The following PPIP5K2 variants were observed in gnomAD, a reference collection of about 807,000 sequenced individuals.
The protein encoded by PPIP5K2 is diphosphoinositol pentakisphosphate kinase 2, also known as inositol hexakisphosphate and diphosphoinositol-pentakisphosphate kinase 2.
A neutral mutation model predicts 154.6 loss-of-function variants in PPIP5K2; 105 were observed. That is an observed-to-expected ratio of 0.68 (90% CI 0.58 to 0.80). The LOEUF (loss-of-function observed/expected upper bound fraction) is 0.80. Among genes scored for constraint, PPIP5K2 ranks in the 30% least tolerant of loss-of-function variants. The pLI is 0.00. For missense variants in PPIP5K2, 992 were observed against 1,504.6 expected (o/e 0.66, Z 5.64); for synonymous variants, 480 against 490.3 (o/e 0.98, Z 0.28).
chr5:103,152,733 A>T lies in PPIP5K2; in HGVS notation c.1114A>T (p.Thr372Ser). ...AGCTGAAGATATCCCAATTGTACCA[A>T]CTACATCTGGAACTATGTAAGTCTG... ...LEAEDIPIVP[T>S]TSGTMMELRC... The change falls in exon 10 of 31, where the codon ACT becomes TCT. Residue 372 changes from threonine (T) to serine (S), a missense_variant. Physicochemically the swap from Thr to Ser is moderately conservative, Grantham distance 58 (BLOSUM62 1). This residue lies in a region of PPIP5K2 where 163 missense variants were observed against 285.2 expected (regional missense o/e 0.57). Coordinates refer to ENST00000358359, the MANE Select transcript of PPIP5K2 (RefSeq NM_001276277.3). 6.4e-7 allele frequency: 1 copy of T among 1,565,058 alleles called. No individual in the cohort carries two copies. Among genetic ancestry groups the T allele is most frequent in the East Asian group, 2.3e-5 (1 of 44,422 alleles).
intron 17 of PPIP5K2, among the ~76,000 whole-genome samples, chr5:103,162,095 C>T (rs1310279705): frequency 1.3e-5 from 2 of 152,148 alleles, no homozygotes; most frequent in Non-Finnish European, 2.9e-5. Flanking sequence ...TTGGGATTCT[C>T]AGATGATTCC....
chr5:103,187,217 T>A, intron 27 of PPIP5K2, 97 bp from the exon 28 acceptor site: 1 of 909,894 alleles, frequency 1.1e-6, no homozygotes, highest in Non-Finnish European at 1.7e-6. Flanking sequence ...CATGTCACCT[T>A]TCTAACCTCC....
rs1165094982 is a variant in PPIP5K2 at position 103,201,623 on chromosome 5, A to G, written c.3721A>G (p.Lys1241Glu). 6.3e-7 allele frequency: 1 copy of G among 1,593,498 alleles called. No individual in the cohort carries two copies. The highest frequency in any genetic ancestry group is 8.6e-7 in the Non-Finnish European group (1 of 1,166,604). The stretch of plus-strand genomic sequence containing the variant: ...GCATGAACACAAAAAAAACACTGGG[A>G]AAAAGAAATGAAATCTTAGCAGAAG... ...ETHEHKKNTG[K>E]KK The change falls in exon 31 of 31, where the codon AAA becomes GAA. Residue 1241 changes from lysine to glutamate, a missense_variant. Physicochemically the swap from Lys to Glu is moderately conservative, Grantham distance 56 (BLOSUM62 1). Coordinates refer to ENST00000358359, the MANE Select transcript of PPIP5K2 (RefSeq NM_001276277.3).
At chr5:103,137,668 A>G (rs1791771286) in intron 4 of PPIP5K2, among the ~76,000 whole-genome samples, 1 of 152,162 alleles carries the variant, frequency 6.6e-6, no homozygotes. Context: ...TTTTACCATT[A>G]CAATATGAGA....
At chr5:103,184,818 G>T (rs1178964313) in intron 26 of PPIP5K2, 74 bp downstream of exon 26, 8 of 1,179,722 alleles carry the variant, frequency 6.8e-6, no homozygotes, top group Non-Finnish European at 9.9e-6. Flanking sequence ...AAAACTCTTT[G>T]GTGAAAGCAT....
At chr5:103,154,179 G>T (rs3213796) in intron 11 of PPIP5K2, among the ~76,000 whole-genome samples, 1 of 151,892 alleles carries the variant, frequency 6.6e-6, no homozygotes, top group Non-Finnish European at 1.5e-5. Flanking sequence ...TGTCATAAAG[G>T]TGTTCTATTT....
At chr5:103,124,311 G>C (rs557560317) in intron 1 of PPIP5K2, among the ~76,000 whole-genome samples, 2 of 151,036 alleles carry the variant, frequency 1.3e-5, no homozygotes, top group African/African-American at 4.9e-5. Context: ...CTTGTACTAC[G>C]ACATATATCC....
At chr5:103,185,545 A>G (rs1000375342) in intron 26 of PPIP5K2, among the ~76,000 whole-genome samples, 6 of 152,114 alleles carry the variant, frequency 3.9e-5, no homozygotes, top group South Asian at 2.1e-4. Context: ...AGAAATTTAT[A>G]TATTACTCCT....
Position 103,146,685 on chromosome 5 carries a change from A to G in PPIP5K2, c.642+4A>G, listed in dbSNP as rs1793803522. 1 of 1,600,870 alleles carries G rather than the reference A, an allele frequency of 6.2e-7. No individual in the cohort carries two copies. On this transcript the variant is annotated splice_donor_region_variant and intron_variant, in intron 6 of 30. Coordinates refer to ENST00000358359, the MANE Select transcript of PPIP5K2 (RefSeq NM_001276277.3). ...AAGTCAAAGACTCTTTAGAAAGGTA[A>G]CACCTTTGTAACTTTTGTATGAATA...
rs144304068 is a variant in PPIP5K2, at chr5:103,193,231, A to T, written c.3494-1669A>T. Among the ~76,000 whole-genome samples, 202 of 152,246 alleles carry T rather than the reference A, an allele frequency of 1.3e-3. 1 individual carries two copies. Among genetic ancestry groups the T allele is most frequent in the African/African-American group, 4.7e-3 (195 of 41,574 alleles). On this transcript the variant is annotated intron_variant, in intron 29 of 30. Transcript: ENST00000358359. Reference sequence around the variant, plus strand: ...TGAATAGCAAAGAAAATAGGGTGCCAGTTATGATGAAAGTTTTTGAATCAT... The same window carrying T: ...TGAATAGCAAAGAAAATAGGGTGCCTGTTATGATGAAAGTTTTTGAATCAT...
chr5:103,124,402 G>A (rs186482039), intron 1 of PPIP5K2, among the ~76,000 whole-genome samples: 116 of 152,070 alleles, frequency 7.6e-4, no homozygotes, highest in African/African-American at 2.6e-3. Flanking sequence ...GCTGTCATAA[G>A]GACTGTGGAG....
intron 21 of PPIP5K2, among the ~76,000 whole-genome samples, chr5:103,177,415 G>GTTTTGGA (rs1798890355): frequency 6.6e-6 from 1 of 151,892 alleles, no homozygotes; most frequent in South Asian, 2.1e-4. Context: ...ATTTTGGAGG[G>GTTTTGGA]TTTTGGATTT....
chr5:103,122,990 A>G (rs1374579968), intron 1 of PPIP5K2, among the ~76,000 whole-genome samples: 2 of 152,222 alleles, frequency 1.3e-5, no homozygotes, highest in Non-Finnish European at 2.9e-5. Context: ...TGGTAAGACT[A>G]GAAAAGGTGT....
rs1803247817 is a variant in PPIP5K2 at position 103,203,084 on chromosome 5, GT to G, written c.*1451del. The G allele has an allele frequency of 6.6e-6, 1 of 152,524 alleles. No homozygotes were observed. 9.4% of individuals were successfully genotyped at this position (152,524 alleles called of 1,614,324 possible). On this transcript the variant is annotated 3_prime_UTR_variant, in exon 31 of 31. Coordinates refer to ENST00000358359, the MANE Select transcript of PPIP5K2 (RefSeq NM_001276277.3). The stretch of plus-strand genomic sequence containing the variant: ...AATGTGTTATATGGAGACATGTCTT[GT>G]AAACAGTTGAATGTATGTAAGTTTT...
chr5:103,147,874 A>G lies in PPIP5K2; in HGVS notation c.643-57A>G, dbSNP rs1793993909. ...TAAATAAACTATTTGTCATTTTATC[A>G]TAAAAATGAGGGAAATAATTTGCTT... is the stretch of plus-strand genomic sequence containing the variant. On this transcript the variant is annotated intron_variant, in intron 6 of 30. Transcript: ENST00000358359. The G allele has an allele frequency of 1.2e-5, 12 of 1,005,506 alleles. No homozygotes were observed. The East Asian group carries it at 2.4e-4, about 20-fold the overall frequency. 62.3% of individuals were successfully genotyped at this position (1,005,506 alleles called of 1,614,324 possible). A position where few individuals can be genotyped will look rare whatever the true frequency, so the allele number is the denominator to read the frequency against.
At position 103,206,239 on chromosome 5, in the gene PPIP5K2, C is replaced by T. The variant is rs1363165183; in HGVS notation, c.*4605C>T. ...CAAAAGCCCAAGTGACCTCCCTTGT[C>T]ACCTCTGGCATAGTATAAACTTTAT... On this transcript the variant is annotated 3_prime_UTR_variant, in exon 31 of 31. Coordinates refer to ENST00000358359, the MANE Select transcript of PPIP5K2 (RefSeq NM_001276277.3). The T allele has an allele frequency of 7.2e-5, 11 of 152,166 alleles. No individual in the cohort carries two copies. The highest frequency in any genetic ancestry group is 1.2e-4 in the Non-Finnish European group (8 of 68,022). The allele number at this position is 152,166 out of a possible 1,614,324, so 9.4% of individuals were successfully genotyped here. A position where few individuals can be genotyped will look rare whatever the true frequency, so the allele number is the denominator to read the frequency against.
intron 26 of PPIP5K2, 82 bp downstream of exon 26, chr5:103,184,826 C>A: frequency 9.6e-7 from 1 of 1,039,786 alleles, no homozygotes; most frequent in South Asian, 1.4e-5. Flanking sequence ...TTGGTGAAAG[C>A]ATGACCAAAT....
At position 103,143,536 on chromosome 5, in the gene PPIP5K2, T is replaced by C. The variant is rs560211939; in HGVS notation, c.488-2991T>C. ...AAGGAAGGAAGGGAGGACAAAATAA[T>C]GGAAACCTCAGAAAACAAATGCCAA... On this transcript the variant is annotated intron_variant, in intron 5 of 30. Transcript: ENST00000358359. Among the ~76,000 whole-genome samples the C allele has an allele frequency of 5.3e-5, 8 of 152,268 alleles. No individual in the cohort carries two copies. In the South Asian group the frequency reaches 1.0e-3, roughly 20 times the overall value.
intron 19 of PPIP5K2, 56 bp downstream of exon 19, chr5:103,168,351 G>A (rs1364047069): frequency 2.4e-5 from 32 of 1,341,986 alleles, no homozygotes; most frequent in Non-Finnish European, 3.1e-5. Context: ...CTTTTAAAAT[G>A]TCTGTTGGTG....
Sources: allele counts gnomAD v4.1 joint callset (sites outside exome capture counted in the v4.1 genomes callset), GRCh38; gene constraint gnomAD v4.1.1; regional missense constraint gnomAD v4.1.1; transcripts MANE v1.5; gene names NCBI Gene and HGNC (gene_info 2026-07-23, HGNC 2026-07-21).